The following LPP variants were observed in gnomAD, a reference collection of about 807,000 sequenced individuals.
The protein encoded by LPP is LIM domain containing preferred translocation partner in lipoma.
In LPP, 38 loss-of-function variants were observed where a neutral mutation model predicts 60.4. The ratio of observed to expected loss-of-function variants is 0.63; its 90% CI spans 0.49 to 0.83. LPP has a LOEUF of 0.83. LPP is among the 40% of genes least tolerant of loss of function. LPP has a pLI of 0.00. For synonymous variants in LPP, 328 were observed against 290.8 expected (o/e 1.13, Z -1.30); for missense variants, 902 against 783.6 (o/e 1.15, Z -1.80).
chr3:188,518,898 T>C (rs1001854865), intron 5 of LPP, among the ~76,000 whole-genome samples: 2 of 152,126 alleles, frequency 1.3e-5, no homozygotes, highest in Non-Finnish European at 2.9e-5. Flanking sequence ...TTTCTGATTT[T>C]TTTTTCATAG....
At chr3:188,599,751 G>GTGTGTGTGTGT (rs1553938530) in intron 6 of LPP, among the ~76,000 whole-genome samples, 1 of 139,828 alleles carries the variant, frequency 7.2e-6, no homozygotes, top group African/African-American at 2.7e-5. Context: ...ACTCGTTAGG[G>GTGTGTGTGTGT]GTGTGTGTGT....
At chr3:188,201,887 G>A (rs1020261611) in intron 1 of LPP, among the ~76,000 whole-genome samples, 14 of 152,014 alleles carry the variant, frequency 9.2e-5, no homozygotes, top group South Asian at 2.1e-4. Context: ...TGAAGACTAC[G>A]AGTGTGCTTG....
At chr3:188,693,432 C>CA (rs1215264597) in intron 7 of LPP, among the ~76,000 whole-genome samples, 1 of 152,072 alleles carries the variant, frequency 6.6e-6, no homozygotes, top group Non-Finnish European at 1.5e-5. Context: ...GTCAAGAAAA[C>CA]TTTCACCGTT....
intron 6 of LPP, among the ~76,000 whole-genome samples, chr3:188,586,296 A>G (rs1214057335): frequency 2.0e-5 from 3 of 152,192 alleles, no homozygotes; most frequent in Admixed American, 2.0e-4. Flanking sequence ...TGCCAGCAAC[A>G]AAATTTAAAC....
At chr3:188,309,022 C>CTTTT (rs777945680) in intron 2 of LPP, among the ~76,000 whole-genome samples, 31 of 119,696 alleles carry the variant, frequency 2.6e-4, no homozygotes, top group Admixed American at 5.0e-4. Context: ...TCTTCTTCTT[C>CTTTT]TTTTTTTTTT....
intron 10 of LPP, among the ~76,000 whole-genome samples, chr3:188,869,004 C>G (rs961990834): frequency 6.6e-6 from 1 of 152,172 alleles, no homozygotes; most frequent in Non-Finnish European, 1.5e-5. Context: ...CAGGTAAGGG[C>G]TTGCACTGTC....
intron 2 of LPP, among the ~76,000 whole-genome samples, chr3:188,247,922 G>T (rs1727594363): frequency 6.6e-6 from 1 of 152,104 alleles, no homozygotes; most frequent in Admixed American, 6.5e-5. Flanking sequence ...TAGCCTAGTG[G>T]TTTGCAAACT....
At chr3:188,567,491 T>A (rs995689388) in intron 6 of LPP, among the ~76,000 whole-genome samples, 5 of 151,550 alleles carry the variant, frequency 3.3e-5, no homozygotes, top group Admixed American at 3.3e-4. Context: ...AGTAGGTTAG[T>A]AGGGAAAAAA....
chr3:188,719,802 T>A (rs7615181), intron 8 of LPP, among the ~76,000 whole-genome samples: 5,148 of 152,310 alleles, frequency 0.034, 287 homozygotes, highest in African/African-American at 0.12. Flanking sequence ...AGCATCTCCT[T>A]ACAGACTTTG....
At chr3:188,810,155 A>G (rs934956254) in intron 9 of LPP, among the ~76,000 whole-genome samples, 2 of 152,134 alleles carry the variant, frequency 1.3e-5, no homozygotes, top group Non-Finnish European at 2.9e-5. Context: ...GTGTTTTAAT[A>G]CTACCCTACA....
intron 2 of LPP, among the ~76,000 whole-genome samples, chr3:188,340,026 G>A (rs1762624283): frequency 6.6e-6 from 1 of 152,154 alleles, no homozygotes; most frequent in Non-Finnish European, 1.5e-5. Context: ...GTGTGTTAGT[G>A]CTTCGACAAT....
At chr3:188,629,990 G>GT (rs1847563118) in intron 7 of LPP, among the ~76,000 whole-genome samples, 2 of 151,952 alleles carry the variant, frequency 1.3e-5, no homozygotes, top group South Asian at 2.1e-4. Flanking sequence ...AGACTTAAAC[G>GT]TAAGACCTAA....
intron 2 of LPP, among the ~76,000 whole-genome samples, chr3:188,338,683 G>C (rs1033482060): frequency 2.0e-5 from 3 of 152,076 alleles, no homozygotes; most frequent in African/African-American, 4.8e-5. Flanking sequence ...TGGACACCAG[G>C]GTGAAAGAGG....
chr3:188,647,937 T>A (rs1363755362), intron 7 of LPP, among the ~76,000 whole-genome samples: 1 of 152,230 alleles, frequency 6.6e-6, no homozygotes, highest in Non-Finnish European at 1.5e-5. Flanking sequence ...GGTCTTCAGT[T>A]ACATCGTTTG....
intron 5 of LPP, among the ~76,000 whole-genome samples, chr3:188,496,781 A>G (rs926084975): frequency 6.6e-6 from 1 of 152,188 alleles, no homozygotes; most frequent in East Asian, 1.9e-4. Context: ...CTATTGTAAT[A>G]TTGTCTTCAG....
chr3:188,665,765 A>C (rs1385237952), intron 7 of LPP, among the ~76,000 whole-genome samples: 1 of 152,044 alleles, frequency 6.6e-6, no homozygotes, highest in Non-Finnish European at 1.5e-5. Context: ...CCGGCCAGCT[A>C]ACATACTCTT....
chr3:188,616,133 G>A (rs184444007), intron 7 of LPP, among the ~76,000 whole-genome samples: 18 of 152,236 alleles, frequency 1.2e-4, no homozygotes, highest in Admixed American at 2.0e-4. Context: ...TGCTTTTGGC[G>A]TTTTCATCAT....
chr3:188,484,615 C>A lies in LPP; in HGVS notation c.217C>A (p.Pro73Thr). Residue 73 changes from proline to threonine, a missense_variant, in exon 5 of 12, where the codon CCA becomes ACA. Pro to Thr is a conservative substitution (Grantham distance 38). Coordinates refer to ENST00000617246, the MANE Select transcript of LPP (RefSeq NM_001375462.1). ...AGGTGATTTTCTTCCACCCCCACCT[C>A]CACCTCTAGATGATTCCAGTGCCCT... ...GEGDFLPPPP[P>T]PLDDSSALPS... The A allele has an allele frequency of 6.2e-7, 1 of 1,613,814 alleles. No homozygotes were observed. Among genetic ancestry groups the A allele is most frequent in the Non-Finnish European group, 8.5e-7 (1 of 1,179,790 alleles).
chr3:188,396,024 A>T (rs1780863365), intron 3 of LPP, among the ~76,000 whole-genome samples: 1 of 152,220 alleles, frequency 6.6e-6, no homozygotes, highest in Admixed American at 6.5e-5. Context: ...CTGATGTAGG[A>T]TACAAACAAC....
Sources: allele counts gnomAD v4.1 joint callset (sites outside exome capture counted in the v4.1 genomes callset), GRCh38; gene constraint gnomAD v4.1.1; transcripts MANE v1.5; gene names NCBI Gene and HGNC (gene_info 2026-07-23, HGNC 2026-07-21).